PPARGC1A: variants seen among roughly 807,000 people sequenced by gnomAD.
PPARGC1A encodes the protein peroxisome proliferator-activated receptor gamma coactivator 1-alpha.
A neutral mutation model predicts 88.7 loss-of-function variants in PPARGC1A; 25 were observed. The ratio of observed to expected loss-of-function variants is 0.28; its 90% CI spans 0.21 to 0.39. The LOEUF is 0.39. Among genes scored for constraint, PPARGC1A ranks in the 10% least tolerant of loss-of-function variants. The probability of loss-of-function intolerance (pLI) is 1.00; values close to 1 mark genes in which losing one functional copy is unlikely to be tolerated. For missense variants in PPARGC1A, 880 were observed against 968.7 expected (o/e 0.91, Z 1.22); for synonymous variants, 363 against 355.6 (o/e 1.02, Z -0.24).
chr4:23,856,624 C>T (rs543461153), intron 2 of PPARGC1A, among the ~76,000 whole-genome samples: 2 of 152,278 alleles, frequency 1.3e-5, no homozygotes, highest in African/African-American at 2.4e-5. Flanking sequence ...GAGAGAATCC[C>T]AATTTGGTCA....
intron 9 of PPARGC1A, 50 bp downstream of exon 9, chr4:23,812,971 T>C (rs1721208534): frequency 1.2e-6 from 2 of 1,611,638 alleles, no homozygotes; most frequent in Non-Finnish European, 1.7e-6. Context: ...CATCTTGTCA[T>C]CTCAAGGAGG....
chr4:23,974,062 G>A, the PPARGC1A span, among the ~76,000 whole-genome samples: 1 of 152,158 alleles, frequency 6.6e-6, no homozygotes, highest in East Asian at 1.9e-4. Flanking sequence ...ATACCAAGAT[G>A]GAAAAGGAGA....
chr4:24,086,321 G>C, the PPARGC1A span, among the ~76,000 whole-genome samples: 1 of 152,108 alleles, frequency 6.6e-6, no homozygotes, highest in Non-Finnish European at 1.5e-5. Context: ...TGCCTCTTTA[G>C]ACTTATGTAC....
chr4:24,120,266 C>T, the PPARGC1A span, among the ~76,000 whole-genome samples: 1 of 152,122 alleles, frequency 6.6e-6, no homozygotes, highest in African/African-American at 2.4e-5. Context: ...GGGTGAGGAG[C>T]TAAGCCCCCA....
chr4:24,348,099 A>G, the PPARGC1A span, among the ~76,000 whole-genome samples: 1 of 152,170 alleles, frequency 6.6e-6, no homozygotes, highest in South Asian at 2.1e-4. Flanking sequence ...TTCTTGGCTG[A>G]TAATTGCTTT....
chr4:23,917,673 T>C, the PPARGC1A span, among the ~76,000 whole-genome samples: 13 of 152,218 alleles, frequency 8.5e-5, no homozygotes, highest in African/African-American at 3.1e-4. Context: ...GGGTAGGTAC[T>C]TAATCAATGT....
At chr4:24,161,390 G>A in the PPARGC1A span, among the ~76,000 whole-genome samples, 4 of 152,176 alleles carry the variant, frequency 2.6e-5, no homozygotes. Flanking sequence ...CATGGAAGGA[G>A]CCTGGGCTTT....
At chr4:24,330,575 C>T in the PPARGC1A span, among the ~76,000 whole-genome samples, 7 of 152,196 alleles carry the variant, frequency 4.6e-5, no homozygotes, top group African/African-American at 1.4e-4. Flanking sequence ...TGACAGACCA[C>T]TCAGCTGACC....
chr4:24,258,579 T>A, the PPARGC1A span, among the ~76,000 whole-genome samples: 5 of 152,192 alleles, frequency 3.3e-5, no homozygotes, highest in African/African-American at 1.2e-4. Context: ...GAGATAAGAT[T>A]GGAAAAATTC....
At chr4:24,238,739 TTGTATATGTGTGTGTGTGTG>T in the PPARGC1A span, among the ~76,000 whole-genome samples, 30 of 129,776 alleles carry the variant, frequency 2.3e-4, no homozygotes, top group Non-Finnish European at 4.7e-4. Context: ...CAATCCAAGG[TTGTATATGTGTGTGTGTGTG>T]TGTGTGTGTG....
At chr4:24,454,182 G>C in the PPARGC1A span, among the ~76,000 whole-genome samples, 97 of 151,584 alleles carry the variant, frequency 6.4e-4, no homozygotes, top group African/African-American at 2.2e-3. Context: ...ACTGCCAGCT[G>C]ACTGAAGACA....
the PPARGC1A span, among the ~76,000 whole-genome samples, chr4:24,227,401 G>A: frequency 6.6e-6 from 1 of 152,156 alleles, no homozygotes; most frequent in Non-Finnish European, 1.5e-5. Context: ...TTGGGCAAAT[G>A]ACTTCCATTC....
chr4:24,472,793 CGTGT>C, the PPARGC1A span, among the ~76,000 whole-genome samples: 1 of 150,252 alleles, frequency 6.7e-6, no homozygotes, highest in South Asian at 2.1e-4. This position sits in a 1 kb window ranked among gnomAD's most constrained non-coding sequence, Gnocchi z 4.5. Context: ...TGTGCGTGTG[CGTGT>C]GTGTGGTGTG....
chr4:23,964,448 G>GT, the PPARGC1A span, among the ~76,000 whole-genome samples: 2 of 152,172 alleles, frequency 1.3e-5, no homozygotes, highest in Non-Finnish European at 2.9e-5. Context: ...GGCTTCTAGG[G>GT]TTTTTCCTGA....
At chr4:24,231,628 A>C in the PPARGC1A span, among the ~76,000 whole-genome samples, 1 of 152,184 alleles carries the variant, frequency 6.6e-6, no homozygotes, top group Non-Finnish European at 1.5e-5. Context: ...TTTGTACAGG[A>C]GGTCTAGTAT....
At chr4:24,420,774 T>G in the PPARGC1A span, among the ~76,000 whole-genome samples, 1 of 152,136 alleles carries the variant, frequency 6.6e-6, no homozygotes, top group Non-Finnish European at 1.5e-5. Context: ...CGTTCCCAGA[T>G]GTCTTGGTCT....
At chr4:24,383,397 G>A in the PPARGC1A span, among the ~76,000 whole-genome samples, 1 of 152,094 alleles carries the variant, frequency 6.6e-6, no homozygotes, top group Admixed American at 6.5e-5. Context: ...ACAGAAGTAG[G>A]TTTCAGAAGG....
chr4:24,018,847 G>A, the PPARGC1A span, among the ~76,000 whole-genome samples: 4 of 150,998 alleles, frequency 2.6e-5, no homozygotes, highest in Non-Finnish European at 5.9e-5. Flanking sequence ...TTTCTTTTTT[G>A]CAATCAAAAA....
the PPARGC1A span, among the ~76,000 whole-genome samples, chr4:24,008,346 CT>C: frequency 1.3e-5 from 2 of 152,122 alleles, no homozygotes; most frequent in South Asian, 2.1e-4. Context: ...TCCTTAGGAG[CT>C]TTTTTTCCCC....
Sources: gnomAD v4.1 joint callset for allele counts (sites outside exome capture counted in the v4.1 genomes callset) on GRCh38, gnomAD v4.1.1 for gene constraint, Gnocchi (gnomAD v3.1) non-coding constraint, MANE v1.5 for transcripts, NCBI Gene and HGNC (gene_info 2026-07-23, HGNC 2026-07-21) for gene names.